The following C3orf20 variants were observed in gnomAD, a reference collection of about 807,000 sequenced individuals.
The protein encoded by C3orf20 is uncharacterized protein C3orf20.
Under a neutral mutation model 88.3 loss-of-function variants are expected in C3orf20, and 76 were observed. That is an observed-to-expected ratio of 0.86 (90% confidence interval 0.72 to 1.04). The LOEUF is 1.04. C3orf20 is among the 50% of genes least tolerant of loss of function. C3orf20 has a pLI of 0.00. For synonymous variants in C3orf20, 436 were observed against 437.4 expected, an observed-to-expected ratio of 1.00 and a Z score of 0.04; for missense variants, 1,056 against 1,123.3, an observed-to-expected ratio of 0.94 and a Z score of 0.86.
At chr3:14,712,180 GCGCACACACACACA>G (rs1331763933) in intron 7 of C3orf20, among the ~76,000 whole-genome samples, 1,170 of 108,882 alleles carry the variant, frequency 0.011, 8 homozygotes, top group Non-Finnish European at 0.014. Flanking sequence ...ACACGCGCGC[GCGCACACACACACA>G]CACACACACA....
At chr3:14,758,644 G>T (rs1420720427) in intron 13 of C3orf20, among the ~76,000 whole-genome samples, 1 of 152,170 alleles carries the variant, frequency 6.6e-6, no homozygotes, top group East Asian at 1.9e-4. Flanking sequence ...AATTGCTGCT[G>T]CAGAGTTCTG....
At chr3:14,741,588 A>G (rs2034899863) in intron 12 of C3orf20, among the ~76,000 whole-genome samples, 1 of 152,202 alleles carries the variant, frequency 6.6e-6, no homozygotes, top group African/African-American at 2.4e-5. Flanking sequence ...TAAGTCAGCC[A>G]TTGTCAGAAG....
intron 1 of C3orf20, among the ~76,000 whole-genome samples, chr3:14,681,758 A>G (rs370689530): frequency 8.4e-4 from 128 of 152,350 alleles, no homozygotes; most frequent in African/African-American, 2.9e-3. Context: ...TGAAACTTTC[A>G]GGATCTGGTT....
intron 4 of C3orf20, among the ~76,000 whole-genome samples, chr3:14,686,418 C>G (rs1446918455): frequency 6.6e-6 from 1 of 152,174 alleles, no homozygotes; most frequent in African/African-American, 2.4e-5. Context: ...ATACTGTTTT[C>G]CATAATGGCA....
chr3:14,713,267 C>T (rs1445230240), intron 7 of C3orf20, among the ~76,000 whole-genome samples: 3 of 152,158 alleles, frequency 2.0e-5, no homozygotes, highest in African/African-American at 7.2e-5. Flanking sequence ...TCTTGTCTCT[C>T]CTTCTGGGAC....
intron 8 of C3orf20, 85 bp from the exon 9 acceptor site, chr3:14,715,204 A>ACT: frequency 6.5e-7 from 1 of 1,533,296 alleles, no homozygotes; most frequent in Non-Finnish European, 8.8e-7. Context: ...ACTGAGTCTT[A>ACT]CAGACCTGTC....
intron 7 of C3orf20, among the ~76,000 whole-genome samples, chr3:14,705,821 A>C (rs1052506899): frequency 2.0e-5 from 3 of 152,194 alleles, no homozygotes; most frequent in Admixed American, 2.0e-4. Flanking sequence ...AGAAATCGGA[A>C]AACTGAGACC....
At chr3:14,706,130 C>A (rs532074086) in intron 7 of C3orf20, among the ~76,000 whole-genome samples, 1 of 152,274 alleles carries the variant, frequency 6.6e-6, no homozygotes, top group Admixed American at 6.5e-5. Context: ...GCTCTGCTGG[C>A]AGCAGCCCCC....
chr3:14,764,007 T>C (rs2035631575), intron 15 of C3orf20, among the ~76,000 whole-genome samples: 1 of 152,006 alleles, frequency 6.6e-6, no homozygotes, highest in Non-Finnish European at 1.5e-5. Flanking sequence ...ACAAACCAGA[T>C]ACACACATAT....
At chr3:14,745,955 C>T (rs1481815509) in intron 12 of C3orf20, among the ~76,000 whole-genome samples, 2 of 152,122 alleles carry the variant, frequency 1.3e-5, no homozygotes, top group African/African-American at 4.8e-5. Context: ...TTTTAAATCA[C>T]CCCAAAAGGA....
chr3:14,714,862 C>T (rs1024154018), intron 8 of C3orf20, among the ~76,000 whole-genome samples: 3 of 152,222 alleles, frequency 2.0e-5, no homozygotes, highest in Non-Finnish European at 1.5e-5. Flanking sequence ...CTGCCTCAGC[C>T]CCTCAAAGTG....
chr3:14,764,262 T>C (rs1463291808), intron 15 of C3orf20, among the ~76,000 whole-genome samples: 3 of 151,870 alleles, frequency 2.0e-5, no homozygotes, highest in African/African-American at 2.4e-5. Flanking sequence ...CAAGATGGTC[T>C]AGGTTCTTGA....
chr3:14,757,301 A>G, intron 12 of C3orf20, 70 bp from the exon 13 acceptor site: 1 of 1,368,400 alleles, frequency 7.3e-7, no homozygotes. Flanking sequence ...AGCAGGAGCC[A>G]GGGGGCTCTG....
At chr3:14,693,531 A>G (rs1438661713) in intron 5 of C3orf20, among the ~76,000 whole-genome samples, 1 of 152,090 alleles carries the variant, frequency 6.6e-6, no homozygotes, top group African/African-American at 2.4e-5. Context: ...ACTGATTTTT[A>G]TATGTTGATT....
At chr3:14,704,189 A>T in intron 6 of C3orf20, 148 bp from the exon 7 acceptor site, 1 of 794,308 alleles carries the variant, frequency 1.3e-6, no homozygotes, top group Non-Finnish European at 2.0e-6. Context: ...AATTACCTTT[A>T]TGGACGAGGG....
chr3:14,675,591 AGT>A lies in C3orf20; in HGVS notation c.-299+346_-299+347del, dbSNP rs751436230. Among the ~76,000 whole-genome samples the A allele has an allele frequency of 6.7e-4, 102 of 152,280 alleles. 1 individual carries two copies. The highest frequency in any genetic ancestry group is 1.9e-3 in the African/African-American group (77 of 41,542). Reference sequence around the variant, plus strand: ...TGCATCTATATAGTCACTCATAGTAAGTGTGTGTTTGTCCAGTGGTAGGAGTG... The same window carrying A: ...TGCATCTATATAGTCACTCATAGTAAGTGTGTTTGTCCAGTGGTAGGAGTG... On this transcript the variant is annotated intron_variant, in intron 1 of 16. Transcript: ENST00000253697.
intron 4 of C3orf20, among the ~76,000 whole-genome samples, chr3:14,684,615 C>T (rs1028328842): frequency 2.0e-5 from 3 of 152,210 alleles, no homozygotes; most frequent in African/African-American, 7.2e-5. Context: ...CACAACCCAG[C>T]AGCTCCTCTT....
chr3:14,721,833 A>G (rs747773159), intron 10 of C3orf20, 49 bp downstream of exon 10: 3 of 1,605,626 alleles, frequency 1.9e-6, no homozygotes, highest in Admixed American at 1.7e-5. Context: ...GGGCATCTCA[A>G]CGTGGGTTGC....
chr3:14,702,464 G>A (rs186069264), intron 5 of C3orf20, among the ~76,000 whole-genome samples: 1 of 133,292 alleles, frequency 7.5e-6, no homozygotes, highest in Admixed American at 7.6e-5. Flanking sequence ...TTTTTGAGTT[G>A]GAGTCTCACT....
Sources: allele counts gnomAD v4.1 joint callset (sites outside exome capture counted in the v4.1 genomes callset), GRCh38; gene constraint gnomAD v4.1.1; transcripts MANE v1.5; gene names NCBI Gene and HGNC (gene_info 2026-07-23, HGNC 2026-07-21).